The following ZNF469 variants were observed in gnomAD, a reference collection of about 807,000 sequenced individuals.
ZNF469 encodes zinc finger protein 469.
A neutral mutation model predicts 1.0 loss-of-function variants in ZNF469; 1 was observed. The observed-to-expected ratio is 1.00, with a 90% CI of 0.35 to 4.73. The LOEUF is 4.73. Ranked by LOEUF, ZNF469 falls within the 30% of genes most tolerant of loss-of-function variation. The pLI is 0.16. For missense variants in ZNF469, 6,100 were observed against 5,356.3 expected (o/e 1.14, Z -4.33); for synonymous variants, 2,703 against 2,363.4 (o/e 1.14, Z -4.17).
the ZNF469 span, among the ~76,000 whole-genome samples, chr16:88,241,713 T>C: frequency 6.6e-6 from 1 of 152,142 alleles, no homozygotes; most frequent in African/African-American, 2.4e-5. This position sits in a 1 kb window ranked among gnomAD's most constrained non-coding sequence, Gnocchi z 4.8. Flanking sequence ...CTCTCCACCA[T>C]GCACACTGGA....
the ZNF469 span, among the ~76,000 whole-genome samples, chr16:88,354,779 A>T: frequency 6.6e-6 from 1 of 152,200 alleles, no homozygotes; most frequent in Non-Finnish European, 1.5e-5. Flanking sequence ...GCAGGTAAAC[A>T]GGGCTTCCTT....
At chr16:88,381,336 GCACACAGACA>G (rs879825652), upstream of ZNF469, among the ~76,000 whole-genome samples, 4,144 of 129,926 alleles carry the variant, frequency 0.032, 185 homozygotes, top group African/African-American at 0.12. Context: ...ACATGCACTC[GCACACAGACA>G]CACACTTATA....
chr16:88,114,375 C>T, the ZNF469 span, among the ~76,000 whole-genome samples: 3 of 142,132 alleles, frequency 2.1e-5, no homozygotes, highest in African/African-American at 5.4e-5. Flanking sequence ...AGGGACCACA[C>T]TCACTCACTG....
chr16:88,400,382 C>T (rs890417030), intron 1 of ZNF469, among the ~76,000 whole-genome samples: 1 of 152,232 alleles, frequency 6.6e-6, no homozygotes, highest in Non-Finnish European at 1.5e-5. Context: ...CTCCATTTTC[C>T]AGATGGGGAG....
chr16:88,187,222 C>T, the ZNF469 span, among the ~76,000 whole-genome samples: 834 of 152,200 alleles, frequency 5.5e-3, 7 homozygotes, highest in Non-Finnish European at 0.01. Context: ...CTCTTCTTTG[C>T]CTGGGGTGGC....
the ZNF469 span, among the ~76,000 whole-genome samples, chr16:88,130,752 G>A: frequency 6.7e-6 from 1 of 150,306 alleles, no homozygotes; most frequent in Non-Finnish European, 1.5e-5. Flanking sequence ...AAACGGCAGC[G>A]CAGCCTCCCA....
At chr16:88,148,607 G>A in the ZNF469 span, among the ~76,000 whole-genome samples, 1 of 152,186 alleles carries the variant, frequency 6.6e-6, no homozygotes, top group Non-Finnish European at 1.5e-5. Flanking sequence ...GAGCTCCCAG[G>A]TCACTGGTGT....
the ZNF469 span, among the ~76,000 whole-genome samples, chr16:88,327,702 G>A: frequency 9.9e-5 from 15 of 152,064 alleles, no homozygotes; most frequent in Non-Finnish European, 1.6e-4. Flanking sequence ...CCCACCTTCC[G>A]TGCACACTCA....
rs931819951 is a variant in ZNF469, at chr16:88,383,008, G to A, written c.-438G>A. ...TCCGGCCTTCCCAGCACCCGGCCCAGGGCTGGAGCTGGCTGCAGGGCTGGC... is the reference window on the plus strand; with the variant it reads ...TCCGGCCTTCCCAGCACCCGGCCCAAGGCTGGAGCTGGCTGCAGGGCTGGC... On this transcript the variant is annotated 5_prime_UTR_variant, in exon 1 of 3. Transcript: ENST00000565624. 6.6e-6 allele frequency among the ~76,000 whole-genome samples: 1 copy of A among 151,888 alleles called. No individual in the cohort carries two copies. Among genetic ancestry groups the A allele is most frequent in the Admixed American group, 6.6e-5 (1 of 15,244 alleles).
the ZNF469 span, among the ~76,000 whole-genome samples, chr16:88,319,511 C>T: frequency 6.6e-5 from 10 of 152,274 alleles, no homozygotes; most frequent in South Asian, 2.1e-4. Flanking sequence ...CTGATGCGCC[C>T]GGGTCCTGCC....
the ZNF469 span, among the ~76,000 whole-genome samples, chr16:88,165,287 C>G: frequency 6.6e-6 from 1 of 152,388 alleles, no homozygotes; most frequent in African/African-American, 2.4e-5. Context: ...GCTCCCAATG[C>G]CCAGCTCACG....
At chr16:88,169,176 G>A in the ZNF469 span, among the ~76,000 whole-genome samples, 1 of 152,228 alleles carries the variant, frequency 6.6e-6, no homozygotes, top group Admixed American at 6.5e-5. The surrounding 1 kb of genome is among the most constrained non-coding windows in gnomAD (Gnocchi z 6.1). Context: ...ACTGCCATGA[G>A]GCAGAGGGAT....
chr16:88,340,997 G>A, the ZNF469 span, among the ~76,000 whole-genome samples: 26 of 152,234 alleles, frequency 1.7e-4, no homozygotes, highest in African/African-American at 4.3e-4. Context: ...CCAGGCTGGC[G>A]TCTGGCTGGC....
At chr16:88,224,090 G>A in the ZNF469 span, among the ~76,000 whole-genome samples, 3 of 152,212 alleles carry the variant, frequency 2.0e-5, no homozygotes, top group African/African-American at 7.2e-5. Context: ...AACAAAACAC[G>A]CCTGTTGTTT....
the ZNF469 span, among the ~76,000 whole-genome samples, chr16:88,118,456 G>A: frequency 3.9e-5 from 6 of 152,266 alleles, no homozygotes; most frequent in East Asian, 5.8e-4. Context: ...GGTCCTGCCC[G>A]CCGTGGGCCC....
the ZNF469 span, among the ~76,000 whole-genome samples, chr16:88,259,376 C>A: frequency 1.3e-5 from 2 of 152,084 alleles, no homozygotes; most frequent in Admixed American, 6.5e-5. This position sits in a 1 kb window ranked among gnomAD's most constrained non-coding sequence, Gnocchi z 4.1. Context: ...GCGGAGTCTG[C>A]GAAACAAAAC....
chr16:88,329,879 C>T, the ZNF469 span, among the ~76,000 whole-genome samples: 3 of 152,236 alleles, frequency 2.0e-5, no homozygotes, highest in Non-Finnish European at 2.9e-5. Context: ...AGCCCTCAGG[C>T]CATCCGGTGA....
chr16:88,430,755 C>T lies in ZNF469; in HGVS notation c.3285C>T (p.Ala1095=). ...GCAGGCTCCGCGAGTACGACTTCGCCTCGGAGTCCGAGGAGGACGAGCAGC... is the reference window on the plus strand; with the variant it reads ...GCAGGCTCCGCGAGTACGACTTCGCTTCGGAGTCCGAGGAGGACGAGCAGC... The part of the protein sequence containing the change: ...EDRRLREYDF[A]SESEEDEQPP... The change falls in exon 3 of 3, where the codon GCC becomes GCT. Residue 1095 remains alanine, a synonymous_variant. Coordinates refer to ENST00000565624, the MANE Select transcript of ZNF469 (RefSeq NM_001367624.2). 1 of 1,509,162 alleles carries T rather than the reference C, an allele frequency of 6.6e-7. No individual in the cohort carries two copies. The highest frequency in any genetic ancestry group is 8.8e-7 in the Non-Finnish European group (1 of 1,135,872). 93.5% of individuals were successfully genotyped at this position (1,509,162 alleles called of 1,614,324 possible).
At chr16:88,114,183 A>T in the ZNF469 span, among the ~76,000 whole-genome samples, 1 of 144,100 alleles carries the variant, frequency 6.9e-6, no homozygotes, top group Non-Finnish European at 1.5e-5. Context: ...CTCGGGGGAG[A>T]ATGACAGGGA....
Sources: gnomAD v4.1 joint callset for allele counts (sites outside exome capture counted in the v4.1 genomes callset) on GRCh38, gnomAD v4.1.1 for gene constraint, Gnocchi (gnomAD v3.1) non-coding constraint, MANE v1.5 for transcripts, NCBI Gene and HGNC (gene_info 2026-07-23, HGNC 2026-07-21) for gene names.